ZNF407: variants seen among roughly 807,000 people sequenced by gnomAD.
The protein encoded by ZNF407 is zinc finger protein 407.
A neutral mutation model predicts 131.2 loss-of-function variants in ZNF407; 17 were observed. The ratio of observed to expected loss-of-function variants is 0.13; its 90% CI spans 0.09 to 0.19. The LOEUF is 0.19. Among genes scored for constraint, ZNF407 ranks in the 10% least tolerant of loss-of-function variants. ZNF407 has a pLI of 1.00. For missense variants in ZNF407, 2,681 were observed against 2,830.6 expected (o/e 0.95, Z 1.20); for synonymous variants, 1,156 against 1,062.0 (o/e 1.09, Z -1.72).
chr18:74,834,006 T>G (rs1970521873), intron 4 of ZNF407, among the ~76,000 whole-genome samples: 1 of 152,248 alleles, frequency 6.6e-6, no homozygotes, highest in Admixed American at 6.5e-5. Flanking sequence ...ATCAGAACTT[T>G]TAATTTTCTG....
At chr18:74,815,069 T>A (rs180821622) in intron 4 of ZNF407, among the ~76,000 whole-genome samples, 25 of 152,052 alleles carry the variant, frequency 1.6e-4, no homozygotes, top group African/African-American at 6.0e-4. Flanking sequence ...ACAATATAAA[T>A]TAAACAAAAT....
intron 3 of ZNF407, among the ~76,000 whole-genome samples, chr18:74,650,163 T>C (rs1985160284): frequency 6.6e-6 from 1 of 152,246 alleles, no homozygotes; most frequent in South Asian, 2.1e-4. Context: ...GAAAATGTCT[T>C]TGTCATAGTC....
chr18:74,705,577 C>T (rs576451496), intron 3 of ZNF407, among the ~76,000 whole-genome samples: 3 of 152,188 alleles, frequency 2.0e-5, no homozygotes, highest in Admixed American at 6.5e-5. Context: ...GAATATAGCT[C>T]GCTCTATTTT....
intron 8 of ZNF407, among the ~76,000 whole-genome samples, chr18:75,038,553 C>T (rs1973336479): frequency 2.0e-5 from 3 of 152,032 alleles, no homozygotes; most frequent in Non-Finnish European, 4.4e-5. Flanking sequence ...TCATATCTAG[C>T]AATTATTAAG....
At chr18:74,790,792 C>A (rs144999323) in intron 4 of ZNF407, among the ~76,000 whole-genome samples, 2 of 151,910 alleles carry the variant, frequency 1.3e-5, no homozygotes, top group Non-Finnish European at 2.9e-5. Flanking sequence ...TATAAAAGTC[C>A]GAATTAAAAT....
chr18:74,899,644 CAAGAA>C (rs764054867), intron 7 of ZNF407, among the ~76,000 whole-genome samples: 2 of 152,136 alleles, frequency 1.3e-5, no homozygotes, highest in Non-Finnish European at 2.9e-5. Context: ...AAAAGTGAAA[CAAGAA>C]GAGAGGCAAA....
chr18:75,032,100 G>C (rs188378073), intron 8 of ZNF407, among the ~76,000 whole-genome samples: 26 of 152,238 alleles, frequency 1.7e-4, no homozygotes, highest in Non-Finnish European at 3.5e-4. Context: ...CACTCTAAAC[G>C]CCTGGACCCG....
chr18:75,018,818 G>A (rs1007998674), intron 8 of ZNF407, among the ~76,000 whole-genome samples: 3 of 152,070 alleles, frequency 2.0e-5, no homozygotes, highest in African/African-American at 4.8e-5. Flanking sequence ...AGAAATTGCA[G>A]ATTTTGCAAA....
chr18:74,599,646 C>T (rs1047190605), intron 1 of ZNF407, among the ~76,000 whole-genome samples: 1 of 152,172 alleles, frequency 6.6e-6, no homozygotes, highest in Non-Finnish European at 1.5e-5. Context: ...AGATAGGTCT[C>T]AAGGACTAGT....
At chr18:74,710,731 C>A (rs1409033433) in intron 3 of ZNF407, among the ~76,000 whole-genome samples, 1 of 152,146 alleles carries the variant, frequency 6.6e-6, no homozygotes, top group African/African-American at 2.4e-5. Context: ...CAGTAAAGGG[C>A]TGCAAGTTTT....
chr18:74,608,906 G>A (rs1358559855), intron 1 of ZNF407, among the ~76,000 whole-genome samples: 2 of 152,088 alleles, frequency 1.3e-5, no homozygotes, highest in African/African-American at 4.8e-5. Flanking sequence ...GTGATGACGT[G>A]TCAGGTTTTT....
At chr18:74,752,035 T>C (rs475679) in intron 3 of ZNF407, among the ~76,000 whole-genome samples, 2,409 of 152,328 alleles carry the variant, frequency 0.016, 75 homozygotes, top group African/African-American at 0.053. Context: ...CAGCACCTGT[T>C]GTTGCCTGAC....
intron 1 of ZNF407, among the ~76,000 whole-genome samples, chr18:74,616,122 A>C: frequency 1.3e-5 from 2 of 152,314 alleles, no homozygotes; most frequent in East Asian, 1.9e-4. Context: ...TTCAGCATAC[A>C]TTAACCAGTT....
intron 7 of ZNF407, 29 bp from the exon 8 acceptor site, chr18:74,920,485 T>A (rs757911785): frequency 7.8e-6 from 12 of 1,544,478 alleles, no homozygotes; most frequent in Non-Finnish European, 8.8e-7. Flanking sequence ...TGACCTTAAT[T>A]AGATTTACTT....
intron 8 of ZNF407, among the ~76,000 whole-genome samples, chr18:75,051,307 T>C (rs187103538): frequency 1.4e-4 from 22 of 152,344 alleles, no homozygotes; most frequent in East Asian, 5.8e-4. Flanking sequence ...AACTCTTTAA[T>C]AGATGGTAAA....
chr18:74,685,923 T>C (rs1216516235), intron 3 of ZNF407, among the ~76,000 whole-genome samples: 1 of 152,250 alleles, frequency 6.6e-6, no homozygotes, highest in Non-Finnish European at 1.5e-5. Context: ...TTTTTTGTTA[T>C]TTAGCTCTTC....
chr18:74,614,258 T>C (rs1179353118), intron 1 of ZNF407, among the ~76,000 whole-genome samples: 2 of 152,202 alleles, frequency 1.3e-5, no homozygotes, highest in African/African-American at 4.8e-5. Flanking sequence ...ATTAAGAATC[T>C]TCAGGGTACA....
At chr18:75,062,940 T>C (rs1304454502) in intron 8 of ZNF407, 1 of 507,588 alleles carries the variant, frequency 2.0e-6, no homozygotes, top group Non-Finnish European at 3.5e-6. Context: ...CAGTATTAAC[T>C]GTGTGTGCCC....
intron 1 of ZNF407, among the ~76,000 whole-genome samples, chr18:74,616,236 T>A (rs1047683858): frequency 2.6e-5 from 4 of 152,192 alleles, no homozygotes; most frequent in African/African-American, 9.7e-5. Context: ...GGCACCACAG[T>A]GGACAGGAAT....
Sources: gnomAD v4.1 joint callset for allele counts (sites outside exome capture counted in the v4.1 genomes callset) on GRCh38, gnomAD v4.1.1 for gene constraint, MANE v1.5 for transcripts, NCBI Gene and HGNC (gene_info 2026-07-23, HGNC 2026-07-21) for gene names.